The following EIF2AK4 variants were observed in gnomAD, a reference collection of about 807,000 sequenced individuals.
EIF2AK4 encodes eIF-2-alpha kinase GCN2.
Under a neutral mutation model 211.1 loss-of-function variants are expected in EIF2AK4, and 139 were observed. The ratio of observed to expected loss-of-function variants is 0.66; its 90% CI spans 0.57 to 0.76. The LOEUF is 0.76. Ranked by LOEUF, EIF2AK4 falls within the 30% of genes least tolerant of loss-of-function variation. The pLI is 0.00. For missense variants in EIF2AK4, 1,664 were observed against 2,043.8 expected (o/e 0.81, Z 3.58); for synonymous variants, 710 against 751.3 (o/e 0.94, Z 0.90).
chr15:39,988,576 G>T (rs1490625192), intron 15 of EIF2AK4, among the ~76,000 whole-genome samples: 3 of 152,124 alleles, frequency 2.0e-5, no homozygotes, highest in Admixed American at 6.5e-5. Context: ...CAGCAGATTT[G>T]AGTAGTTGCA....
chr15:39,954,867 G>A (rs188077905), intron 5 of EIF2AK4, among the ~76,000 whole-genome samples: 223 of 152,346 alleles, frequency 1.5e-3, no homozygotes, highest in African/African-American at 5.1e-3. Context: ...GCACAAGCAA[G>A]CTTCTCCTGG....
At chr15:39,950,504 T>C (rs1283996421) in intron 4 of EIF2AK4, among the ~76,000 whole-genome samples, 1 of 151,728 alleles carries the variant, frequency 6.6e-6, no homozygotes. Context: ...GGCACGAGAA[T>C]TGCTCGAACC....
intron 7 of EIF2AK4, among the ~76,000 whole-genome samples, chr15:39,962,935 C>G (rs1213741199): frequency 1.3e-5 from 2 of 152,082 alleles, no homozygotes; most frequent in African/African-American, 4.8e-5. Context: ...ATTTTCAATC[C>G]CATGCATATT....
chr15:39,965,589 A>G (rs1422458853), intron 7 of EIF2AK4, 97 bp from the exon 8 acceptor site: 2 of 1,342,606 alleles, frequency 1.5e-6, no homozygotes, highest in South Asian at 1.4e-5. Flanking sequence ...CATGGTATCC[A>G]TTGTTGAACT....
At chr15:40,012,876 C>CT (rs2035252980) in intron 27 of EIF2AK4, among the ~76,000 whole-genome samples, 1 of 152,108 alleles carries the variant, frequency 6.6e-6, no homozygotes, top group Non-Finnish European at 1.5e-5. Flanking sequence ...AAAATGGACT[C>CT]TAAGGGTATT....
At chr15:40,019,270 T>G in intron 30 of EIF2AK4, 70 bp downstream of exon 30, 1 of 1,258,490 alleles carries the variant, frequency 7.9e-7, no homozygotes, top group Non-Finnish European at 1.1e-6. Context: ...ATTTGCCTTT[T>G]GCAGTCATTT....
intron 27 of EIF2AK4, among the ~76,000 whole-genome samples, chr15:40,014,249 T>C (rs969673559): frequency 7.9e-5 from 12 of 152,228 alleles, no homozygotes; most frequent in African/African-American, 1.7e-4. Context: ...TAGCATTTAG[T>C]AGGGACTCTG....
At position 39,984,477 on chromosome 15, in the gene EIF2AK4, T is replaced by C. The variant is rs901381565; in HGVS notation, c.2320-1328T>C. Among the ~76,000 whole-genome samples the C allele has an allele frequency of 5.8e-4, 88 of 152,220 alleles. 1 individual carries two copies. The highest frequency in any genetic ancestry group is 1.1e-3 in the Non-Finnish European group (72 of 68,030). On this transcript the variant is annotated intron_variant, in intron 13 of 38. Transcript: ENST00000263791. The stretch of plus-strand genomic sequence containing the variant: ...ATTTTCACAGTATTGTTTCTTCCTA[T>C]CCATGAGCATGGAATGTTTTTCCAT...
At chr15:39,940,972 T>A (rs550060091) in intron 2 of EIF2AK4, among the ~76,000 whole-genome samples, 2 of 152,266 alleles carry the variant, frequency 1.3e-5, no homozygotes, top group Middle Eastern at 6.8e-3. Context: ...TTCTGTGAGT[T>A]ACATTTACCA....
chr15:40,032,097 G>A (rs2140952459), intron 35 of EIF2AK4, 72 bp from the exon 36 acceptor site: 5 of 1,243,956 alleles, frequency 4.0e-6, no homozygotes, highest in South Asian at 2.4e-5. Flanking sequence ...TTGTATCCTG[G>A]GATAGGAAAT....
rs765082160 is a variant in EIF2AK4 at position 40,030,442 on chromosome 15, C to T, written c.4645C>T (p.Arg1549Cys). 6.2e-6 allele frequency: 10 copies of T among 1,613,740 alleles called. No individual in the cohort carries two copies. The highest frequency in any genetic ancestry group is 8.5e-6 in the Non-Finnish European group (10 of 1,179,910). Residue 1549 changes from arginine (R) to cysteine (C), a missense_variant, in exon 35 of 39, where the codon CGC becomes TGC. Transcript: ENST00000263791. ...PEKLSASTRR[R>C]YETQVQTRLQ... ...GAAGCTGTCAGCCAGCACTAGGAGGCGCTATGAAACTCAGGTACACTGGGT... is the reference window on the plus strand; with the variant it reads ...GAAGCTGTCAGCCAGCACTAGGAGGTGCTATGAAACTCAGGTACACTGGGT...
chr15:39,960,703 G>A (rs1310483014), intron 6 of EIF2AK4, among the ~76,000 whole-genome samples: 2 of 152,072 alleles, frequency 1.3e-5, no homozygotes, highest in Non-Finnish European at 2.9e-5. Context: ...AGAGAGAGGG[G>A]CTGACTGAAC....
chr15:39,949,489 TAGA>T (rs1217075381), intron 4 of EIF2AK4, among the ~76,000 whole-genome samples: 1 of 152,114 alleles, frequency 6.6e-6, no homozygotes, highest in Non-Finnish European at 1.5e-5. Flanking sequence ...CTTAAAGAAA[TAGA>T]AGAGAAAAGA....
At chr15:40,012,156 G>A (rs546252796) in intron 27 of EIF2AK4, among the ~76,000 whole-genome samples, 6 of 151,986 alleles carry the variant, frequency 3.9e-5, no homozygotes, top group Admixed American at 6.6e-5. Context: ...TCAATCTTTC[G>A]GACACCTACA....
chr15:39,958,861 C>T (rs2034428239), intron 6 of EIF2AK4, among the ~76,000 whole-genome samples: 1 of 151,978 alleles, frequency 6.6e-6, no homozygotes, highest in African/African-American at 2.4e-5. Flanking sequence ...ATTCTCTAGT[C>T]CCCACTTGAA....
Position 39,965,404 on chromosome 15 carries a change from G to A in EIF2AK4, c.860-282G>A, listed in dbSNP as rs184140693. Among the ~76,000 whole-genome samples, 269 of 152,258 alleles carry A rather than the reference G, an allele frequency of 1.8e-3. 3 individuals carry two copies. Among genetic ancestry groups the A allele is most frequent in the African/African-American group, 6.0e-3 (249 of 41,552 alleles). ...CTTCCAAAATGCTGGGATTACAGGC[G>A]TGAGCCACCACGCCTGGCCAAACAT... On this transcript the variant is annotated intron_variant, in intron 7 of 38. Coordinates refer to ENST00000263791, the MANE Select transcript of EIF2AK4 (RefSeq NM_001013703.4).
At chr15:40,025,872 AC>A in intron 32 of EIF2AK4, 104 bp from the exon 33 acceptor site, 1 of 1,120,814 alleles carries the variant, frequency 8.9e-7, no homozygotes. Context: ...CTGGTTAAGA[AC>A]CACTGACCCA....
intron 18 of EIF2AK4, 139 bp from the exon 19 acceptor site, chr15:39,996,825 A>C: frequency 1.7e-6 from 1 of 600,916 alleles, no homozygotes. Context: ...TTTAAGAACA[A>C]ATCTTCGCAT....
rs200938635 is a variant in EIF2AK4 at position 40,002,705 on chromosome 15, T to C, written c.3160-8T>C. ...TCAATGATGATGTTTTAATCGGTCCTGTTTTAGGGCAACTTCTCAATCCGT... is the reference window on the plus strand; with the variant it reads ...TCAATGATGATGTTTTAATCGGTCCCGTTTTAGGGCAACTTCTCAATCCGT... On this transcript the variant is annotated splice_polypyrimidine_tract_variant and splice_region_variant and intron_variant, in intron 21 of 38. Transcript: ENST00000263791. 236 of 1,614,138 alleles carry C rather than the reference T, an allele frequency of 1.5e-4. No homozygotes were observed. In the African/African-American group the frequency reaches 2.9e-3, roughly 20 times the overall value.
Sources: allele counts gnomAD v4.1 joint callset (sites outside exome capture counted in the v4.1 genomes callset), GRCh38; gene constraint gnomAD v4.1.1; transcripts MANE v1.5; gene names NCBI Gene and HGNC (gene_info 2026-07-23, HGNC 2026-07-21).